The following AKAP6 variants were observed in gnomAD, a reference collection of about 807,000 sequenced individuals.
The protein encoded by AKAP6 is A-kinase anchor protein 6.
AKAP6 carries 58 observed loss-of-function variants against 188.5 expected under a neutral mutation model. That is an observed-to-expected ratio of 0.31 (90% CI 0.25 to 0.38). AKAP6 has a LOEUF of 0.38. AKAP6 is among the 10% of genes least tolerant of loss of function. The pLI is 1.00. For synonymous variants in AKAP6, 989 were observed against 998.6 expected (o/e 0.99, Z 0.18); for missense variants, 2,710 against 2,740.0 (o/e 0.99, Z 0.24).
intron 2 of AKAP6, among the ~76,000 whole-genome samples, chr14:32,455,438 A>G (rs2138799430): frequency 6.6e-6 from 1 of 152,236 alleles, no homozygotes; most frequent in Middle Eastern, 3.4e-3. Flanking sequence ...GTGCTTCTTT[A>G]TGTTAAATTG....
In AKAP6 at chr14:32,770,228, C is replaced by G. The variant is rs74041700; in HGVS notation, c.3373-3450C>G. Among the ~76,000 whole-genome samples the G allele has an allele frequency of 8.5e-5, 13 of 152,170 alleles. No individual in the cohort carries two copies. In the East Asian group the frequency reaches 2.1e-3, roughly 25 times the overall value. Reference sequence around the variant, plus strand: ...TTGGTAACTACCTTATAATGTGGATCGGAGATCATTATAAAGGGGGAAAAA... The same window carrying G: ...TTGGTAACTACCTTATAATGTGGATGGGAGATCATTATAAAGGGGGAAAAA... On this transcript the variant is annotated intron_variant, in intron 11 of 13. Transcript: ENST00000280979.
intron 1 of AKAP6, among the ~76,000 whole-genome samples, chr14:32,390,750 C>G (rs750909210): frequency 6.6e-6 from 1 of 152,122 alleles, no homozygotes; most frequent in African/African-American, 2.4e-5. Flanking sequence ...TTTGAAGTGT[C>G]TCCTGGGTCC....
intron 11 of AKAP6, among the ~76,000 whole-genome samples, chr14:32,749,443 C>G (rs2032040565): frequency 6.6e-6 from 1 of 152,170 alleles, no homozygotes; most frequent in East Asian, 1.9e-4. Flanking sequence ...ATCTTTTGAA[C>G]TAAAATTGCA....
intron 1 of AKAP6, 23 bp downstream of exon 1, chr14:32,329,431 T>G (rs973557592): frequency 6.6e-6 from 1 of 152,164 alleles, no homozygotes; most frequent in Non-Finnish European, 1.5e-5. Flanking sequence ...TGTCTGGGCC[T>G]TAATTGCACG....
chr14:32,599,456 TG>T lies in AKAP6; in HGVS notation c.2518del (p.Glu840ArgfsTer18). 1 of 1,613,534 alleles carries T rather than the reference TG, an allele frequency of 6.2e-7. No individual in the cohort carries two copies. Among genetic ancestry groups the T allele is most frequent in the Non-Finnish European group, 8.5e-7 (1 of 1,179,634 alleles). ...AGTCATTGTGCTCTCAAGGAAGCTGTGGAGGAGGAAGGACACCAACTTCTTG... is the reference window on the plus strand; with the variant it reads ...AGTCATTGTGCTCTCAAGGAAGCTGTGAGGAGGAAGGACACCAACTTCTTG... ...VDSHCALKEA[V>X]EEEGHQLLEL... On this transcript the variant is annotated frameshift_variant, in exon 6 of 14. Coordinates refer to ENST00000280979, the MANE Select transcript of AKAP6 (RefSeq NM_004274.5). LOFTEE classifies it high-confidence loss of function.
chr14:32,821,935 C>T lies in AKAP6; in HGVS notation c.4122C>T (p.Thr1374=). The T allele has an allele frequency of 6.2e-7, 1 of 1,613,880 alleles. No homozygotes were observed. Among genetic ancestry groups the T allele is most frequent in the Non-Finnish European group, 8.5e-7 (1 of 1,179,928 alleles). ...SGIVSEGDTE[T]TTNSEMCLLN... ...TTGTCAGTGAAGGAGACACAGAAAC[C>T]ACTACCAACTCTGAAATGTGCTTGC... is the stretch of plus-strand genomic sequence containing the variant. The change falls in exon 13 of 14, where the codon ACC becomes ACT. Residue 1374 remains threonine (T), a synonymous_variant. Transcript: ENST00000280979.
intron 9 of AKAP6, among the ~76,000 whole-genome samples, chr14:32,730,489 A>G (rs1273561790): frequency 2.6e-5 from 4 of 152,110 alleles, no homozygotes; most frequent in African/African-American, 9.7e-5. Context: ...TATCATTTTT[A>G]TGGGACACAT....
chr14:32,603,134 G>T (rs530072864), intron 7 of AKAP6, among the ~76,000 whole-genome samples: 4 of 152,288 alleles, frequency 2.6e-5, no homozygotes, highest in Non-Finnish European at 5.9e-5. Context: ...TGTTAGAAAG[G>T]GAGAAGTGTG....
chr14:32,486,868 T>A (rs571744207), intron 2 of AKAP6, among the ~76,000 whole-genome samples: 1 of 152,356 alleles, frequency 6.6e-6, no homozygotes, highest in South Asian at 2.1e-4. Flanking sequence ...ATAGGAGTGA[T>A]GAGAGAGGGC....
At chr14:32,420,740 C>T (rs571773905) in intron 1 of AKAP6, among the ~76,000 whole-genome samples, 106 of 152,200 alleles carry the variant, frequency 7.0e-4, no homozygotes, top group Non-Finnish European at 1.2e-3. Context: ...ACTGGAAGCC[C>T]TTCTTGCCTA....
intron 4 of AKAP6, among the ~76,000 whole-genome samples, chr14:32,548,333 C>T (rs150946643): frequency 0.045 from 6,789 of 152,064 alleles, 506 homozygotes; most frequent in African/African-American, 0.15. Context: ...AACTCCTGAC[C>T]TCAGGTGATC....
intron 8 of AKAP6, among the ~76,000 whole-genome samples, chr14:32,694,292 C>T (rs12887140): frequency 0.4 from 60,854 of 150,704 alleles, 12,673 homozygotes; most frequent in Admixed American, 0.51. Flanking sequence ...ACCCGGGAGG[C>T]GGAGCTTGCA....
In AKAP6 at chr14:32,338,487, C is replaced by CAT. The variant is rs35822049; in HGVS notation, c.-35+9091_-35+9092dup. ...GAATCCTAACATCCAGCAATTTATA[C>CAT]ATATATATATATAGACTGAAATTCT... On this transcript the variant is annotated intron_variant, in intron 1 of 13. Coordinates refer to ENST00000280979, the MANE Select transcript of AKAP6 (RefSeq NM_004274.5). 3.4e-3 allele frequency among the ~76,000 whole-genome samples: 509 copies of CAT among 151,400 alleles called. 1 individual carries two copies. The highest frequency in any genetic ancestry group is 0.01 in the East Asian group (53 of 5,128).
chr14:32,618,519 CATT>C (rs1443466148), intron 7 of AKAP6, among the ~76,000 whole-genome samples: 1 of 152,136 alleles, frequency 6.6e-6, no homozygotes, highest in Non-Finnish European at 1.5e-5. Context: ...GTACAAAAGA[CATT>C]ATTTTGTTCT....
intron 11 of AKAP6, among the ~76,000 whole-genome samples, chr14:32,752,270 G>T (rs767308951): frequency 9.8e-5 from 15 of 152,314 alleles, no homozygotes; most frequent in Admixed American, 2.6e-4. Context: ...GGGGCTGCAA[G>T]CAAAGTAAGT....
At chr14:32,656,691 A>T (rs1225228272) in intron 7 of AKAP6, among the ~76,000 whole-genome samples, 1 of 152,190 alleles carries the variant, frequency 6.6e-6, no homozygotes, top group Non-Finnish European at 1.5e-5. Flanking sequence ...ACAGTTAAGT[A>T]AATGCCTGTG....
At chr14:32,367,014 A>T (rs1439143540) in intron 1 of AKAP6, among the ~76,000 whole-genome samples, 3 of 152,154 alleles carry the variant, frequency 2.0e-5, no homozygotes, top group Admixed American at 6.5e-5. Flanking sequence ...GTAGTCAAAC[A>T]TGAGGGCATT....
chr14:32,390,795 G>A (rs1187970953), intron 1 of AKAP6, among the ~76,000 whole-genome samples: 1 of 152,028 alleles, frequency 6.6e-6, no homozygotes, highest in Non-Finnish European at 1.5e-5. Context: ...GGGGGTATGT[G>A]GGTCCTCTCA....
In AKAP6 at chr14:32,404,691, G is replaced by GATAGATAGATATATATATAT; in HGVS notation, c.-34-28766_-34-28765insGATAGATATATATATATATA. On this transcript the variant is annotated intron_variant, in intron 1 of 13. Coordinates refer to ENST00000280979, the MANE Select transcript of AKAP6 (RefSeq NM_004274.5). The stretch of plus-strand genomic sequence containing the variant: ...AGAGTGGGGTTATGAGGAGTCAGGA[G>GATAGATAGATATATATATAT]ATATATATATATATATATATTAGTC... 4.1e-4 allele frequency among the ~76,000 whole-genome samples: 18 copies of GATAGATAGATATATATATAT among 44,432 alleles called. 1 individual carries two copies. The highest frequency in any genetic ancestry group is 1.1e-3 in the East Asian group (1 of 938). The allele number at this position is 44,432 out of a possible 152,430, so 29.1% of individuals were successfully genotyped here. A position where few individuals can be genotyped will look rare whatever the true frequency, so the allele number is the denominator to read the frequency against.
Sources: gnomAD v4.1 joint callset for allele counts (sites outside exome capture counted in the v4.1 genomes callset) on GRCh38, gnomAD v4.1.1 for gene constraint, MANE v1.5 for transcripts, NCBI Gene and HGNC (gene_info 2026-07-23, HGNC 2026-07-21) for gene names.